The following DOCK10 variants were observed in gnomAD, a reference collection of about 807,000 sequenced individuals.
The protein encoded by DOCK10 is dedicator of cytokinesis 10, also known as dedicator of cytokinesis protein 10.
In DOCK10, 145 loss-of-function variants were observed where a neutral mutation model predicts 280.1. That is an observed-to-expected ratio of 0.52 (90% CI 0.45 to 0.59). DOCK10 has a LOEUF of 0.59. DOCK10 is among the 20% of genes least tolerant of loss of function. The pLI is 0.00. For synonymous variants in DOCK10, 915 were observed against 942.2 expected (o/e 0.97, Z 0.53); for missense variants, 2,368 against 2,651.7 (o/e 0.89, Z 2.35).
At chr2:225,026,070 G>A (rs1000875357) in intron 1 of DOCK10, among the ~76,000 whole-genome samples, 3 of 152,104 alleles carry the variant, frequency 2.0e-5, no homozygotes, top group African/African-American at 7.2e-5. Flanking sequence ...AAGGCAAGCA[G>A]GAGCCGAACA....
chr2:224,765,930 T>A, intron 55 of DOCK10, 93 bp from the exon 56 acceptor site: 1 of 884,366 alleles, frequency 1.1e-6, no homozygotes, highest in Non-Finnish European at 1.7e-6. Context: ...AGGTTTTCAT[T>A]CCCCACAGGG....
At chr2:224,851,558 A>G (rs1696744237) in intron 18 of DOCK10, among the ~76,000 whole-genome samples, 1 of 151,804 alleles carries the variant, frequency 6.6e-6, no homozygotes, top group Non-Finnish European at 1.5e-5. Flanking sequence ...TAATGCTACA[A>G]ATTAGAGGAC....
At chr2:224,905,402 C>T (rs1054085042) in intron 3 of DOCK10, among the ~76,000 whole-genome samples, 2 of 152,064 alleles carry the variant, frequency 1.3e-5, no homozygotes, top group South Asian at 2.1e-4. Flanking sequence ...CGCCCGCCAC[C>T]GCGCCCGGCT....
chr2:224,823,442 C>A, intron 28 of DOCK10, 59 bp downstream of exon 28: 1 of 1,404,312 alleles, frequency 7.1e-7, no homozygotes, highest in Non-Finnish European at 9.4e-7. Context: ...AAAGTTTAGA[C>A]TATCTTGCAT....
At chr2:224,789,629 A>C (rs1692003108) in intron 47 of DOCK10, among the ~76,000 whole-genome samples, 1 of 152,116 alleles carries the variant, frequency 6.6e-6, no homozygotes, top group Admixed American at 6.5e-5. Context: ...AATCCCAGCT[A>C]CTTAGGAGGC....
intron 3 of DOCK10, among the ~76,000 whole-genome samples, chr2:224,902,925 C>G (rs530621564): frequency 2.3e-4 from 35 of 151,732 alleles, no homozygotes; most frequent in Admixed American, 2.2e-3. Flanking sequence ...AACCCCGTCT[C>G]TACTAAAAAT....
chr2:224,970,604 T>G lies in DOCK10; in HGVS notation c.124-38936A>C, dbSNP rs138227991. On this transcript the variant is annotated intron_variant, in intron 1 of 55. Transcript: ENST00000258390. The surrounding 1 kb of genome is among the most constrained non-coding windows in gnomAD (Gnocchi z 4.6). ...GAGATTACAACAAAGTGATTTTCCCTTTTTTTCTCTTTGTTGTCTCTGCCG... is the reference window on the plus strand; with the variant it reads ...GAGATTACAACAAAGTGATTTTCCCGTTTTTTCTCTTTGTTGTCTCTGCCG... Among the ~76,000 whole-genome samples the G allele has an allele frequency of 2.4e-3, 359 of 152,300 alleles. No individual in the cohort carries two copies. The highest frequency in any genetic ancestry group is 6.8e-3 in the Middle Eastern group (2 of 294).
intron 7 of DOCK10, among the ~76,000 whole-genome samples, chr2:224,879,832 C>T (rs1164540555): frequency 6.6e-6 from 1 of 151,934 alleles, no homozygotes. Context: ...GAGTTTGGTG[C>T]ACAACTTTTG....
chr2:224,956,012 G>T (rs761757172), intron 1 of DOCK10, among the ~76,000 whole-genome samples: 1 of 152,216 alleles, frequency 6.6e-6, no homozygotes, highest in Non-Finnish European at 1.5e-5. Context: ...CAGTCCATGT[G>T]GGGAGATGAT....
At position 224,974,468 on chromosome 2, in the gene DOCK10, G is replaced by T. The variant is rs184290329; in HGVS notation, c.124-42800C>A. Among the ~76,000 whole-genome samples, 302 of 152,116 alleles carry T rather than the reference G, an allele frequency of 2.0e-3. 1 individual carries two copies. Among genetic ancestry groups the T allele is most frequent in the African/African-American group, 6.4e-3 (266 of 41,510 alleles). On this transcript the variant is annotated intron_variant, in intron 1 of 55. Transcript: ENST00000258390. ...AAAATACTGTATTTATATCTGGTTT[G>T]CCAAAAGACACATTATATCCTCAAC...
intron 31 of DOCK10, among the ~76,000 whole-genome samples, chr2:224,809,650 A>G (rs1315930917): frequency 1.3e-5 from 2 of 152,208 alleles, no homozygotes; most frequent in Non-Finnish European, 2.9e-5. Flanking sequence ...AATCAAAACC[A>G]CAATGCACTA....
intron 1 of DOCK10, among the ~76,000 whole-genome samples, chr2:225,003,763 G>A (rs897524255): frequency 1.4e-4 from 21 of 152,090 alleles, no homozygotes; most frequent in African/African-American, 4.1e-4. Flanking sequence ...TCTCTTTAAA[G>A]TCCATAATGT....
intron 29 of DOCK10, 143 bp downstream of exon 29, chr2:224,819,303 A>T: frequency 2.0e-6 from 1 of 504,638 alleles, no homozygotes; most frequent in African/African-American, 2.0e-5. Flanking sequence ...TCAGCAGATG[A>T]AACATTAAAA....
intron 1 of DOCK10, among the ~76,000 whole-genome samples, chr2:225,023,645 A>G (rs1689841873): frequency 6.6e-6 from 1 of 152,228 alleles, no homozygotes; most frequent in Admixed American, 6.5e-5. Flanking sequence ...ACAAGCTGGC[A>G]GTATTTCTAA....
At chr2:224,867,438 TC>T (rs1299054525) in intron 11 of DOCK10, among the ~76,000 whole-genome samples, 2 of 152,220 alleles carry the variant, frequency 1.3e-5, no homozygotes, top group Admixed American at 6.5e-5. Context: ...TGGCTTTCTC[TC>T]CCCATCAATT....
chr2:224,845,369 A>C, intron 20 of DOCK10, 45 bp from the exon 21 acceptor site: 1 of 1,568,900 alleles, frequency 6.4e-7, no homozygotes, highest in Non-Finnish European at 8.6e-7. Context: ...ACAAACCTCC[A>C]TGGTAAGAAG....
intron 26 of DOCK10, among the ~76,000 whole-genome samples, chr2:224,830,822 A>T (rs887591114): frequency 1.3e-5 from 2 of 152,134 alleles, no homozygotes; most frequent in African/African-American, 4.8e-5. Flanking sequence ...AACAAGTTAC[A>T]AGTTTATTTG....
At chr2:225,017,438 G>T (rs1689643173) in intron 1 of DOCK10, among the ~76,000 whole-genome samples, 1 of 151,936 alleles carries the variant, frequency 6.6e-6, no homozygotes, top group African/African-American at 2.4e-5. Flanking sequence ...TTGAGAGAGA[G>T]AGAGAGAGAG....
chr2:224,817,624 G>T (rs1370826980), intron 29 of DOCK10, among the ~76,000 whole-genome samples: 1 of 152,142 alleles, frequency 6.6e-6, no homozygotes, highest in African/African-American at 2.4e-5. Context: ...AGAACATTCT[G>T]TTTGGTCTTT....
Sources: allele counts gnomAD v4.1 joint callset (sites outside exome capture counted in the v4.1 genomes callset), GRCh38; gene constraint gnomAD v4.1.1; non-coding constraint Gnocchi (gnomAD v3.1); transcripts MANE v1.5; gene names NCBI Gene and HGNC (gene_info 2026-07-23, HGNC 2026-07-21).